ZFPM1: variants seen among roughly 807,000 people sequenced by gnomAD.
The protein encoded by ZFPM1 is zinc finger protein, FOG family member 1, also known as zinc finger protein ZFPM1.
Under a neutral mutation model 46.3 loss-of-function variants are expected in ZFPM1, and 28 were observed. That is an observed-to-expected ratio of 0.60 (90% CI 0.45 to 0.83). ZFPM1 has a LOEUF of 0.83. ZFPM1 is among the 40% of genes least tolerant of loss of function. ZFPM1 has a pLI of 0.00. For missense variants in ZFPM1, 1,878 were observed against 1,432.4 expected (o/e 1.31, Z -5.02); for synonymous variants, 957 against 675.9 (o/e 1.42, Z -6.45).
At chr16:88,463,662 G>C (rs1326586420) in intron 1 of ZFPM1, among the ~76,000 whole-genome samples, 1 of 152,260 alleles carries the variant, frequency 6.6e-6, no homozygotes, top group Non-Finnish European at 1.5e-5. Flanking sequence ...TCCTAGATCT[G>C]GGCGGGGAAA....
Position 88,534,898 on chromosome 16 carries a change from C to G in ZFPM1, c.2940C>G (p.Asn980Lys). 2 of 1,566,136 alleles carry G rather than the reference C, an allele frequency of 1.3e-6. No individual in the cohort carries two copies. The highest frequency in any genetic ancestry group is 1.7e-6 in the Non-Finnish European group (2 of 1,160,004). ...ACCACCGGTACTGCCGTCTTTGCAACATCAAGTTCAGCAGCCTGTCCACCT... is the reference window on the plus strand; with the variant it reads ...ACCACCGGTACTGCCGTCTTTGCAAGATCAAGTTCAGCAGCCTGTCCACCT... ...NGNHRYCRLC[N>K]IKFSSLSTFI... Residue 980 changes from asparagine (N) to lysine (K), a missense_variant, in exon 10 of 10, where the codon AAC becomes AAG. Transcript: ENST00000319555.
chr16:88,467,617 C>A (rs1419255892), intron 1 of ZFPM1, among the ~76,000 whole-genome samples: 1 of 152,220 alleles, frequency 6.6e-6, no homozygotes, highest in East Asian at 1.9e-4. Flanking sequence ...GCTGGGACCT[C>A]CGGACCCCGG....
chr16:88,454,396 A>G (rs539227890), intron 1 of ZFPM1, among the ~76,000 whole-genome samples: 1 of 152,198 alleles, frequency 6.6e-6, no homozygotes, highest in Non-Finnish European at 1.5e-5. Context: ...GGACCCTGCA[A>G]GTGTCCCAGC....
chr16:88,495,698 ACT>A (rs369031491), intron 3 of ZFPM1, among the ~76,000 whole-genome samples: 300 of 151,716 alleles, frequency 2.0e-3, no homozygotes, highest in Middle Eastern at 0.01. Flanking sequence ...CTTGCCCACC[ACT>A]CTGTGTGTGT....
chr16:88,505,397 C>T (rs1910592696), intron 3 of ZFPM1, among the ~76,000 whole-genome samples: 1 of 152,240 alleles, frequency 6.6e-6, no homozygotes, highest in Non-Finnish European at 1.5e-5. Flanking sequence ...CTCAGGTCCA[C>T]GGTGTCCCAG....
Position 88,534,151 on chromosome 16 carries a change from C to T in ZFPM1, c.2193C>T (p.Ala731=), listed in dbSNP as rs933156541. Residue 731 remains alanine (A), a synonymous_variant, in exon 10 of 10, where the codon GCC becomes GCT. Coordinates refer to ENST00000319555, the MANE Select transcript of ZFPM1 (RefSeq NM_153813.3). ...PGPPGPAAPP[A]PSPAAPVRTR... is the part of the protein sequence containing the mutation. Reference sequence around the variant, plus strand: ...CCCCTGGGCCGGCCGCGCCCCCGGCCCCCTCTCCCGCCGCGCCTGTGCGCA... The same window carrying T: ...CCCCTGGGCCGGCCGCGCCCCCGGCTCCCTCTCCCGCCGCGCCTGTGCGCA... 1.8e-5 allele frequency: 18 copies of T among 1,005,076 alleles called. No individual in the cohort carries two copies. The highest frequency in any genetic ancestry group is 1.4e-4 in the African/African-American group (8 of 56,714). The allele number at this position is 1,005,076 out of a possible 1,614,324, so 62.3% of individuals were successfully genotyped here.
chr16:88,522,559 A>G (rs1911979568), intron 4 of ZFPM1, among the ~76,000 whole-genome samples: 1 of 152,244 alleles, frequency 6.6e-6, no homozygotes, highest in Admixed American at 6.5e-5. Flanking sequence ...GAACGGCCTC[A>G]GATAAAGTTG....
chr16:88,462,950 A>G (rs769031616), intron 1 of ZFPM1, among the ~76,000 whole-genome samples: 9 of 152,114 alleles, frequency 5.9e-5, no homozygotes, highest in Non-Finnish European at 1.0e-4. Context: ...CAAAATCCAC[A>G]CAAACAGGGC....
chr16:88,531,878 C>T (rs1276187331), intron 6 of ZFPM1, 124 bp from the exon 7 acceptor site: 3 of 904,612 alleles, frequency 3.3e-6, no homozygotes, highest in Admixed American at 2.6e-5. Context: ...GGGGTCAAAG[C>T]CTCAGCTCCT....
chr16:88,513,810 G>C (rs1267403626), intron 3 of ZFPM1, among the ~76,000 whole-genome samples: 1 of 152,202 alleles, frequency 6.6e-6, no homozygotes, highest in Non-Finnish European at 1.5e-5. Flanking sequence ...GCTTCTGGGG[G>C]CTTCAGGCGA....
rs1022910137 is a variant in ZFPM1, at chr16:88,468,187, A to G, written c.40+14509A>G. Reference sequence around the variant, plus strand: ...GCCCACAGGCCCTGACGCACCCGCGAGCCCACCGCCCCTCAAGCACCCGCG... The same window carrying G: ...GCCCACAGGCCCTGACGCACCCGCGGGCCCACCGCCCCTCAAGCACCCGCG... On this transcript the variant is annotated intron_variant, in intron 1 of 9. Coordinates refer to ENST00000319555, the MANE Select transcript of ZFPM1 (RefSeq NM_153813.3). 3.9e-5 allele frequency among the ~76,000 whole-genome samples: 5 copies of G among 129,666 alleles called. No individual in the cohort carries two copies. The Admixed American group carries it at 3.9e-4, about 10-fold the overall frequency. The allele number at this position is 129,666 out of a possible 152,430, so 85.1% of individuals were successfully genotyped here.
At chr16:88,524,614 C>T (rs904817246) in intron 4 of ZFPM1, among the ~76,000 whole-genome samples, 1 of 152,374 alleles carries the variant, frequency 6.6e-6, no homozygotes, top group East Asian at 1.9e-4. Context: ...AAAGCAACAG[C>T]CAGGGCTGGA....
intron 4 of ZFPM1, among the ~76,000 whole-genome samples, chr16:88,525,079 A>G (rs1354610631): frequency 1.3e-5 from 2 of 152,258 alleles, no homozygotes; most frequent in African/African-American, 2.4e-5. Flanking sequence ...TGAACGTCCC[A>G]GCCCAAAGGC....
At chr16:88,489,469 A>G in intron 3 of ZFPM1, 1 of 319,328 alleles carries the variant, frequency 3.1e-6, no homozygotes, top group Non-Finnish European at 5.8e-6. Context: ...GAGGCAGGAA[A>G]GGCAGGGAGG....
chr16:88,496,862 G>A (rs1909959501), intron 3 of ZFPM1, among the ~76,000 whole-genome samples: 1 of 152,192 alleles, frequency 6.6e-6, no homozygotes, highest in South Asian at 2.1e-4. Flanking sequence ...GGTCTGAGTT[G>A]GATCCCACTC....
intron 3 of ZFPM1, among the ~76,000 whole-genome samples, chr16:88,506,953 G>C (rs909519794): frequency 6.6e-6 from 1 of 152,182 alleles, no homozygotes; most frequent in Non-Finnish European, 1.5e-5. Flanking sequence ...CTTCCATCTC[G>C]GCTGTCCCGA....
chr16:88,468,039 G>A (rs927226839), intron 1 of ZFPM1, among the ~76,000 whole-genome samples: 57 of 44,164 alleles, frequency 1.3e-3, no homozygotes, highest in Non-Finnish European at 2.3e-3. Context: ...CGAGCCCACC[G>A]CCCCTCACGC....
chr16:88,487,612 T>C (rs1909305610), intron 2 of ZFPM1, among the ~76,000 whole-genome samples: 1 of 152,016 alleles, frequency 6.6e-6, no homozygotes, highest in South Asian at 2.1e-4. Flanking sequence ...GTCCCTGGCT[T>C]GGGAGCGGGA....
intron 4 of ZFPM1, among the ~76,000 whole-genome samples, chr16:88,515,123 A>AAG (rs1911217479): frequency 6.6e-6 from 1 of 152,228 alleles, no homozygotes; most frequent in South Asian, 2.1e-4. Flanking sequence ...GTTTCCTCCG[A>AAG]AGAGGGTATA....
Sources: allele counts gnomAD v4.1 joint callset (sites outside exome capture counted in the v4.1 genomes callset), GRCh38; gene constraint gnomAD v4.1.1; transcripts MANE v1.5; gene names NCBI Gene and HGNC (gene_info 2026-07-23, HGNC 2026-07-21).